Variants in DDX10 observed in about 807,000 individuals in gnomAD.
DDX10 encodes the protein DEAD-box helicase 10.
A neutral mutation model predicts 104.3 loss-of-function variants in DDX10; 74 were observed. That is an observed-to-expected ratio of 0.71 (90% CI 0.59 to 0.86). DDX10 has a LOEUF of 0.86. Among genes scored for constraint, DDX10 ranks in the 40% least tolerant of loss-of-function variants. The probability of loss-of-function intolerance (pLI) is 0.00; values close to 1 mark genes in which losing one functional copy is unlikely to be tolerated. For synonymous variants in DDX10, 351 were observed against 353.4 expected (o/e 0.99, Z 0.08); for missense variants, 952 against 1,040.0 (o/e 0.92, Z 1.16).
intron 5 of DDX10, 89 bp downstream of exon 5, chr11:108,678,524 T>A: frequency 7.7e-7 from 1 of 1,295,370 alleles, no homozygotes; most frequent in Non-Finnish European, 1.0e-6. Context: ...AAATTTTATG[T>A]TAGATAAATG....
At chr11:108,810,712 C>T (rs1862167748) in intron 13 of DDX10, among the ~76,000 whole-genome samples, 1 of 152,152 alleles carries the variant, frequency 6.6e-6, no homozygotes, top group African/African-American at 2.4e-5. Context: ...TGCATGTGTG[C>T]ACACACAAAC....
chr11:108,723,430 G>C lies in DDX10; in HGVS notation c.1933G>C (p.Gly645Arg), dbSNP rs756768075. ...GAAGGTGAAGCGGCATAATGTGTTT[G>C]GATTGGACCTTAAAGACGAGAAAAC... ...FLKVKRHNVF[G>R]LDLKDEKTLQ... Residue 645 changes from glycine to arginine, a missense_variant, in exon 13 of 18, where the codon GGA (glycine) becomes CGA (arginine). Physicochemically the swap from Gly to Arg is moderately radical, Grantham distance 125. Around this residue, in one of 3 missense-constraint regions of DDX10, gnomAD observed 533 missense variants for 534.1 expected, o/e 1.00. Transcript: ENST00000322536. 5.6e-6 allele frequency: 9 copies of C among 1,612,412 alleles called. No individual in the cohort carries two copies. The highest frequency in any genetic ancestry group is 2.2e-5 in the South Asian group (2 of 90,624).
intron 16 of DDX10, among the ~76,000 whole-genome samples, chr11:108,882,706 C>T (rs559501373): frequency 2.6e-5 from 4 of 152,076 alleles, no homozygotes; most frequent in African/African-American, 7.2e-5. Flanking sequence ...AGTTTCTTGT[C>T]TGTGTTAACT....
At chr11:108,695,735 T>C (rs1348851946) in intron 9 of DDX10, among the ~76,000 whole-genome samples, 1 of 152,008 alleles carries the variant, frequency 6.6e-6, no homozygotes. Flanking sequence ...TTTCATAAGA[T>C]GTTTGAATGT....
chr11:108,900,483 C>T (rs1298763128), intron 16 of DDX10, among the ~76,000 whole-genome samples: 1 of 152,204 alleles, frequency 6.6e-6, no homozygotes, highest in Non-Finnish European at 1.5e-5. Flanking sequence ...CAAACAATGG[C>T]TACTGCTGTC....
chr11:108,748,399 T>A (rs754780581), intron 13 of DDX10, among the ~76,000 whole-genome samples: 1 of 152,200 alleles, frequency 6.6e-6, no homozygotes, highest in Non-Finnish European at 1.5e-5. Context: ...ATTGAGACAT[T>A]GAAGATCTGG....
At chr11:108,743,192 G>A (rs1331395309) in intron 13 of DDX10, among the ~76,000 whole-genome samples, 2 of 152,064 alleles carry the variant, frequency 1.3e-5, no homozygotes, top group Admixed American at 1.3e-4. Context: ...CAATCAAGTA[G>A]GCTTTATCCC....
At chr11:108,731,516 C>CTTT (rs34825787) in intron 13 of DDX10, among the ~76,000 whole-genome samples, 14 of 142,860 alleles carry the variant, frequency 9.8e-5, no homozygotes, top group Admixed American at 4.9e-4. Context: ...AATTGGGTTT[C>CTTT]TTTTTTTTTT....
intron 13 of DDX10, among the ~76,000 whole-genome samples, chr11:108,771,459 G>A (rs1035021001): frequency 5.9e-5 from 9 of 151,748 alleles, no homozygotes; most frequent in African/African-American, 9.7e-5. Context: ...ATTCTCCTGC[G>A]TCAGCCTCCC....
chr11:108,796,891 G>A (rs746476348), intron 13 of DDX10, among the ~76,000 whole-genome samples: 6 of 152,108 alleles, frequency 3.9e-5, no homozygotes, highest in East Asian at 1.9e-4. Context: ...TCTCTGTTTC[G>A]TATGTGTGAT....
In DDX10 at chr11:108,738,220, G is replaced by A. The variant is rs56335111; in HGVS notation, c.1965+14758G>A. Among the ~76,000 whole-genome samples the A allele has an allele frequency of 1.2e-4, 17 of 144,266 alleles. No individual in the cohort carries two copies. The South Asian group carries it at 3.9e-3, about 33-fold the overall frequency. 94.6% of individuals were successfully genotyped at this position (144,266 alleles called of 152,430 possible). On this transcript the variant is annotated intron_variant, in intron 13 of 17. Coordinates refer to ENST00000322536, the MANE Select transcript of DDX10 (RefSeq NM_004398.4). ...AAATTACTATTAAAGCGCTGTATTT[G>A]TACTCCCTACTCAAATCTTCTGAGA...
chr11:108,685,995 T>C (rs1444817074), intron 6 of DDX10, among the ~76,000 whole-genome samples: 3 of 152,250 alleles, frequency 2.0e-5, no homozygotes, highest in Admixed American at 6.5e-5. Context: ...CAACTTGATA[T>C]ATATTTGGGC....
At chr11:108,787,862 G>A (rs1292399685) in intron 13 of DDX10, among the ~76,000 whole-genome samples, 5 of 152,112 alleles carry the variant, frequency 3.3e-5, no homozygotes, top group Admixed American at 6.5e-5. Flanking sequence ...CCTGGGAGGT[G>A]GAGGCTGCGG....
At chr11:108,897,096 G>A (rs993867965) in intron 16 of DDX10, among the ~76,000 whole-genome samples, 1 of 152,026 alleles carries the variant, frequency 6.6e-6, no homozygotes, top group Admixed American at 6.6e-5. Context: ...TACCTTCCAA[G>A]TGACTCAACA....
intron 16 of DDX10, among the ~76,000 whole-genome samples, chr11:108,879,546 C>G (rs565124232): frequency 1.3e-5 from 2 of 152,134 alleles, no homozygotes; most frequent in Non-Finnish European, 2.9e-5. Context: ...GATTTGGGAG[C>G]ACTTAGTAAC....
chr11:108,719,870 T>C lies in DDX10; in HGVS notation c.1484T>C (p.Ile495Thr). The change falls in exon 12 of 18, where the codon ATA becomes ACA. Residue 495 changes from isoleucine (I) to threonine (T), a missense_variant. Coordinates refer to ENST00000322536, the MANE Select transcript of DDX10 (RefSeq NM_004398.4). ...KEVFDVSKLP[I>T]PEYALSLGLA... The stretch of plus-strand genomic sequence containing the variant: ...GTATTTGATGTGAGCAAGTTACCTA[T>C]ACCTGAATATGCCCTGTAAGTATTC... 6.4e-7 allele frequency: 1 copy of C among 1,572,456 alleles called. No individual in the cohort carries two copies. The highest frequency in any genetic ancestry group is 8.8e-7 in the Non-Finnish European group (1 of 1,142,194).
intron 13 of DDX10, among the ~76,000 whole-genome samples, chr11:108,780,772 A>G (rs2094377108): frequency 6.6e-6 from 1 of 152,218 alleles, no homozygotes; most frequent in Admixed American, 6.5e-5. Context: ...TTTGGATGGG[A>G]TAGTAAATAA....
chr11:108,685,917 T>G (rs1171649269), intron 6 of DDX10, among the ~76,000 whole-genome samples: 1 of 152,204 alleles, frequency 6.6e-6, no homozygotes. Context: ...GACATCCCAG[T>G]AAAGATGTAG....
chr11:108,741,427 T>A (rs1254612035), intron 13 of DDX10, among the ~76,000 whole-genome samples: 2 of 152,216 alleles, frequency 1.3e-5, no homozygotes, highest in Non-Finnish European at 2.9e-5. Context: ...TGATTGTTCC[T>A]ATCTGTGGGG....
Sources: allele counts gnomAD v4.1 joint callset (sites outside exome capture counted in the v4.1 genomes callset), GRCh38; gene constraint gnomAD v4.1.1; regional missense constraint gnomAD v4.1.1; transcripts MANE v1.5; gene names NCBI Gene and HGNC (gene_info 2026-07-23, HGNC 2026-07-21).